Variants in PTPRT observed in about 807,000 individuals in gnomAD.
The protein encoded by PTPRT is protein tyrosine phosphatase receptor type T, also known as receptor-type tyrosine-protein phosphatase T.
In PTPRT, 56 loss-of-function variants were observed where a neutral mutation model predicts 176.8. That is an observed-to-expected ratio of 0.32 (90% confidence interval 0.26 to 0.40). PTPRT has a LOEUF of 0.40. Among genes scored for constraint, PTPRT ranks in the 10% least tolerant of loss-of-function variants. The pLI, the probability that PTPRT is intolerant of heterozygous loss-of-function variation, is 1.00. For missense variants in PTPRT, 1,540 were observed against 1,908.2 expected, an observed-to-expected ratio of 0.81 and a Z score of 3.60; for synonymous variants, 783 against 739.0, an observed-to-expected ratio of 1.06 and a Z score of -0.96.
At chr20:42,815,106 T>G (rs1397851) in intron 2 of PTPRT, among the ~76,000 whole-genome samples, 93,049 of 152,022 alleles carry the variant, frequency 0.61, 28,807 homozygotes, top group Non-Finnish European at 0.65. Flanking sequence ...GGAATATTTA[T>G]TAAAGTTTAT....
intron 12 of PTPRT, among the ~76,000 whole-genome samples, chr20:42,306,895 T>C (rs2057551482): frequency 6.6e-6 from 1 of 152,172 alleles, no homozygotes; most frequent in Non-Finnish European, 1.5e-5. Flanking sequence ...TGTTCGTCCA[T>C]CTACTGAAAA....
intron 6 of PTPRT, among the ~76,000 whole-genome samples, chr20:42,752,011 G>A (rs1165991214): frequency 6.6e-6 from 1 of 152,016 alleles, no homozygotes; most frequent in Non-Finnish European, 1.5e-5. Flanking sequence ...TGACCCAAAT[G>A]TCCCCCAGTC....
At chr20:42,096,756 A>AATTTTTTTT (rs1555862037) in intron 27 of PTPRT, among the ~76,000 whole-genome samples, 5 of 118,870 alleles carry the variant, frequency 4.2e-5, no homozygotes, top group Non-Finnish European at 5.2e-5. Context: ...GCTAATTAAA[A>AATTTTTTTT]TTTTTTTTTT....
chr20:42,088,597 A>G (rs1263854075), intron 27 of PTPRT, among the ~76,000 whole-genome samples: 1 of 152,168 alleles, frequency 6.6e-6, no homozygotes, highest in Non-Finnish European at 1.5e-5. Flanking sequence ...TTGGCATACT[A>G]TTGCCCACAA....
At chr20:42,387,239 G>A (rs527238165) in intron 9 of PTPRT, among the ~76,000 whole-genome samples, 20 of 152,282 alleles carry the variant, frequency 1.3e-4, no homozygotes, top group African/African-American at 4.3e-4. Context: ...GTGGTAATAC[G>A]CTGCTTGGGT....
chr20:42,469,996 T>A (rs6093649), intron 8 of PTPRT, among the ~76,000 whole-genome samples: 2,282 of 152,150 alleles, frequency 0.015, 58 homozygotes, highest in African/African-American at 0.052. Context: ...TAGATCCTAC[T>A]GAATCCCAGG....
chr20:42,235,057 T>G (rs2056213090), intron 15 of PTPRT, among the ~76,000 whole-genome samples: 1 of 152,204 alleles, frequency 6.6e-6, no homozygotes, highest in African/African-American at 2.4e-5. Flanking sequence ...TTTTGCTAGC[T>G]GGATGTTCAA....
intron 21 of PTPRT, 123 bp from the exon 22 acceptor site, chr20:42,115,438 G>T: frequency 1.3e-6 from 1 of 746,350 alleles, no homozygotes; most frequent in Non-Finnish European, 2.3e-6. Context: ...GGGTGACTTT[G>T]GTGGCATTTC....
intron 15 of PTPRT, among the ~76,000 whole-genome samples, chr20:42,226,742 GGCTGGGCACT>G (rs1348276872): frequency 1.3e-5 from 2 of 152,086 alleles, no homozygotes; most frequent in African/African-American, 4.8e-5. Context: ...TGGGCACTGT[GGCTGGGCACT>G]TCTGACCCTG....
At chr20:42,902,715 T>A (rs540749175) in intron 1 of PTPRT, among the ~76,000 whole-genome samples, 3 of 152,204 alleles carry the variant, frequency 2.0e-5, no homozygotes, top group Admixed American at 2.0e-4. Context: ...CTCAGAGAGG[T>A]TAAGTCACTT....
chr20:42,129,258 C>T (rs1327432035), intron 18 of PTPRT, among the ~76,000 whole-genome samples: 2 of 152,176 alleles, frequency 1.3e-5, no homozygotes, highest in East Asian at 1.9e-4. Flanking sequence ...CACACATGCA[C>T]AAATTGCTTT....
intron 18 of PTPRT, among the ~76,000 whole-genome samples, chr20:42,138,346 G>A (rs866700526): frequency 6.6e-6 from 1 of 152,188 alleles, no homozygotes; most frequent in Non-Finnish European, 1.5e-5. Flanking sequence ...GGGTCACCAT[G>A]GGTGGCTGCC....
intron 1 of PTPRT, among the ~76,000 whole-genome samples, chr20:43,046,280 A>C (rs16987704): frequency 0.028 from 4,218 of 152,180 alleles, 223 homozygotes; most frequent in African/African-American, 0.096. Context: ...AGGCCTAAAA[A>C]GGCTACTGAG....
chr20:42,180,432 C>T (rs999934257), intron 16 of PTPRT, among the ~76,000 whole-genome samples: 2 of 152,172 alleles, frequency 1.3e-5, no homozygotes, highest in Non-Finnish European at 2.9e-5. Flanking sequence ...TGATCCCATT[C>T]AGCATGTTCT....
chr20:42,270,431 C>G lies in PTPRT; in HGVS notation c.2176+12058G>C, dbSNP rs979891462. ...GGAGGCAGAGTGGAGTCCCCGGGGT[C>G]ACCTGGGCGCTGCCCATTGGTGCTG... On this transcript the variant is annotated intron_variant, in intron 13 of 30. Transcript: ENST00000373187. 9.9e-6 allele frequency: 14 copies of G among 1,408,148 alleles called. No homozygotes were observed. The Admixed American group carries it at 1.5e-4, about 15-fold the overall frequency. The allele number at this position is 1,408,148 out of a possible 1,614,324, so 87.2% of individuals were successfully genotyped here.
intron 2 of PTPRT, among the ~76,000 whole-genome samples, chr20:42,794,315 A>T (rs73098063): frequency 6.6e-6 from 1 of 151,910 alleles, no homozygotes; most frequent in South Asian, 2.1e-4. Context: ...TCTCACCCCC[A>T]CACCTCCATA....
the PTPRT span, among the ~76,000 whole-genome samples, chr20:42,067,573 T>C: frequency 1.3e-5 from 2 of 152,200 alleles, no homozygotes; most frequent in East Asian, 3.9e-4. Flanking sequence ...CCATCCTTCT[T>C]ACTGTCTATT....
chr20:42,706,175 CTGTTTGTGTGTGTGTGTGTG>C (rs1333294818), intron 6 of PTPRT, among the ~76,000 whole-genome samples: 2 of 109,276 alleles, frequency 1.8e-5, no homozygotes, highest in South Asian at 2.6e-4. Context: ...CTCTCTCTCT[CTGTTTGTGTGTGTGTGTGTG>C]TGTGTGTGTG....
At chr20:42,488,203 A>G (rs1389645388) in intron 7 of PTPRT, among the ~76,000 whole-genome samples, 3 of 152,220 alleles carry the variant, frequency 2.0e-5, no homozygotes, top group Non-Finnish European at 4.4e-5. Context: ...ACACTGTAGT[A>G]GACCTTCTCA....
Sources: gnomAD v4.1 joint callset for allele counts (sites outside exome capture counted in the v4.1 genomes callset) on GRCh38, gnomAD v4.1.1 for gene constraint, MANE v1.5 for transcripts, NCBI Gene and HGNC (gene_info 2026-07-23, HGNC 2026-07-21) for gene names.